The following PSAP variants were observed in gnomAD, a reference collection of about 807,000 sequenced individuals.
The protein encoded by PSAP is prosaposin, also known as precursor of saposins.
A neutral mutation model predicts 66.0 loss-of-function variants in PSAP; 25 were observed. The observed-to-expected ratio is 0.38, with a 90% CI of 0.28 to 0.53. The LOEUF is 0.53. PSAP is among the 20% of genes least tolerant of loss of function. PSAP has a pLI of 0.83. For missense variants in PSAP, 649 were observed against 668.8 expected, an observed-to-expected ratio of 0.97 and a Z score of 0.33; for synonymous variants, 273 against 258.9, an observed-to-expected ratio of 1.05 and a Z score of -0.52.
chr10:71,844,492 C>G (rs1842784172), intron 1 of PSAP, among the ~76,000 whole-genome samples: 2 of 152,152 alleles, frequency 1.3e-5, no homozygotes, highest in South Asian at 4.1e-4. Flanking sequence ...ATGGTGAAAC[C>G]CTGTGTGTAC....
Position 71,831,210 on chromosome 10 carries a change from A to C in PSAP, c.291T>G (p.Leu97=). The part of the protein sequence containing the change: ...LVYLEKTCDW[L]PKPNMSASCK... ...ATGAAGCAGACATGTTCGGTTTCGG[A>C]AGCCAGTCACAGGTCTTCTCCAAGT... Residue 97 remains leucine, a synonymous_variant, in exon 4 of 14, where the codon CTT becomes CTG. Coordinates refer to ENST00000394936, the MANE Select transcript of PSAP (RefSeq NM_002778.4). The C allele has an allele frequency of 6.2e-7, 1 of 1,614,080 alleles. No homozygotes were observed. Among genetic ancestry groups the C allele is most frequent in the Non-Finnish European group, 8.5e-7 (1 of 1,179,984 alleles).
Position 71,851,162 on chromosome 10 carries a change from A to C in PSAP, c.40+20T>G. On this transcript the variant is annotated intron_variant, in intron 1 of 13. Coordinates refer to ENST00000394936, the MANE Select transcript of PSAP (RefSeq NM_002778.4). Reference sequence around the variant, plus strand: ...CGCTGCGAGGCACCTCCTCCCCAGGATGAGGGTCCCAGGGCTTACCCGCGC... The same window carrying C: ...CGCTGCGAGGCACCTCCTCCCCAGGCTGAGGGTCCCAGGGCTTACCCGCGC... 1 of 1,550,802 alleles carries C rather than the reference A, an allele frequency of 6.4e-7. No homozygotes were observed. The highest frequency in any genetic ancestry group is 8.7e-7 in the Non-Finnish European group (1 of 1,146,770).
intron 1 of PSAP, among the ~76,000 whole-genome samples, chr10:71,848,907 C>A (rs1359816558): frequency 2.0e-5 from 3 of 152,178 alleles, no homozygotes; most frequent in Non-Finnish European, 4.4e-5. Flanking sequence ...CAATACCTCC[C>A]ATTTACCCGA....
chr10:71,844,993 T>G (rs1205721377), intron 1 of PSAP, among the ~76,000 whole-genome samples: 1 of 152,220 alleles, frequency 6.6e-6, no homozygotes, highest in Admixed American at 6.5e-5. Context: ...TCACATAATT[T>G]TTATTATATA....
At chr10:71,817,536 T>C in intron 13 of PSAP, 60 bp from the exon 14 acceptor site, 1 of 1,538,780 alleles carries the variant, frequency 6.5e-7, no homozygotes, top group Non-Finnish European at 9.0e-7. Context: ...TCCCGGCCCA[T>C]CAATGTATCA....
chr10:71,835,909 AG>A (rs1406953811), intron 1 of PSAP, among the ~76,000 whole-genome samples: 1 of 151,982 alleles, frequency 6.6e-6, no homozygotes, highest in Non-Finnish European at 1.5e-5. Context: ...TCCCTCTGTA[AG>A]CCAATTCTAC....
chr10:71,835,728 A>C (rs1842609514), intron 1 of PSAP, among the ~76,000 whole-genome samples: 1 of 150,230 alleles, frequency 6.7e-6, no homozygotes, highest in Non-Finnish European at 1.5e-5. Flanking sequence ...CTACACATAG[A>C]GGATGGTGGC....
In PSAP at chr10:71,817,312, G is replaced by A; in HGVS notation, c.*129C>T. ...CAGCAATGCTACAATAAAGGACACA[G>A]AAATGGGGGAGGTGGGGGAGCCCTA... On this transcript the variant is annotated 3_prime_UTR_variant, in exon 14 of 14. Coordinates refer to ENST00000394936, the MANE Select transcript of PSAP (RefSeq NM_002778.4). 1 of 1,019,098 alleles carries A rather than the reference G, an allele frequency of 9.8e-7. No homozygotes were observed. Among genetic ancestry groups the A allele is most frequent in the Non-Finnish European group, 1.6e-6 (1 of 642,962 alleles). The allele number at this position is 1,019,098 out of a possible 1,614,324, so 63.1% of individuals were successfully genotyped here. A position where few individuals can be genotyped will look rare whatever the true frequency, so the allele number is the denominator to read the frequency against.
At chr10:71,817,564 G>A in intron 13 of PSAP, 88 bp from the exon 14 acceptor site, 2 of 1,295,294 alleles carry the variant, frequency 1.5e-6, no homozygotes, top group Non-Finnish European at 2.2e-6. Flanking sequence ...CCCCAAAACA[G>A]GACCTGTTCT....
intron 1 of PSAP, 147 bp from the exon 2 acceptor site, chr10:71,834,652 C>G (rs1842587638): frequency 7.9e-6 from 8 of 1,014,344 alleles, no homozygotes; most frequent in South Asian, 1.4e-5. Flanking sequence ...ACCAGCCACA[C>G]AGATACACGC....
At chr10:71,821,753 AG>A in intron 8 of PSAP, 122 bp downstream of exon 8, 1 of 1,347,626 alleles carries the variant, frequency 7.4e-7, no homozygotes, top group Non-Finnish European at 1.0e-6. Context: ...ACAAACTCAA[AG>A]ACCTTTAGGA....
chr10:71,841,034 A>G (rs1242295472), intron 1 of PSAP, among the ~76,000 whole-genome samples: 1 of 152,250 alleles, frequency 6.6e-6, no homozygotes, highest in Non-Finnish European at 1.5e-5. Context: ...ATCACCTTAG[A>G]TAAGATTACA....
chr10:71,828,253 G>C, intron 5 of PSAP, 96 bp from the exon 6 acceptor site: 6 of 1,320,772 alleles, frequency 4.5e-6, no homozygotes, highest in Non-Finnish European at 5.5e-6. Flanking sequence ...GGGGGCACTT[G>C]CTGACCAGTT....
intron 4 of PSAP, among the ~76,000 whole-genome samples, chr10:71,830,702 G>T (rs548370462): frequency 2.6e-5 from 4 of 152,332 alleles, no homozygotes; most frequent in South Asian, 2.1e-4. Flanking sequence ...CACAGGGTTT[G>T]TGTCTGTGTA....
rs1727157282 is a variant in PSAP at position 71,817,024 on chromosome 10, G to A, written c.*417C>T. On this transcript the variant is annotated 3_prime_UTR_variant, in exon 14 of 14. Transcript: ENST00000394936. ...GCCCAGGAAAGCGGGGAGGGTCCCT[G>A]ATCAGGGCAGGAGGCCACCTCAGAA... is the stretch of plus-strand genomic sequence containing the variant. The A allele has an allele frequency of 3.6e-6, 1 of 278,510 alleles. No homozygotes were observed. 17.3% of individuals were successfully genotyped at this position (278,510 alleles called of 1,614,324 possible).
intron 8 of PSAP, among the ~76,000 whole-genome samples, chr10:71,820,640 T>G (rs562191708): frequency 6.6e-6 from 1 of 151,632 alleles, no homozygotes. Flanking sequence ...CCTGATGATG[T>G]GTTCGGTTAC....
chr10:71,851,101 G>A, intron 1 of PSAP, 81 bp downstream of exon 1: 1 of 1,491,534 alleles, frequency 6.7e-7, no homozygotes, highest in Non-Finnish European at 9.1e-7. Context: ...GAGCAGAGGG[G>A]CCAGGCCCGG....
Position 71,818,402 on chromosome 10 carries a change from A to T in PSAP, c.1539+215T>A, listed in dbSNP as rs10762482. Among the ~76,000 whole-genome samples, 29,036 of 152,198 alleles carry T rather than the reference A, an allele frequency of 0.19. 2,789 individuals carry two copies. The highest frequency in any genetic ancestry group is 0.25 in the East Asian group (1,286 of 5,178). On this transcript the variant is annotated intron_variant, in intron 13 of 13. Transcript: ENST00000394936. ...AAAAAATACTAAAAAAAATAAATAA[A>T]TAAAATCCACCCCACCCTTCACTAC... is the stretch of plus-strand genomic sequence containing the variant.
intron 5 of PSAP, among the ~76,000 whole-genome samples, chr10:71,828,572 G>A (rs1842441431): frequency 6.6e-6 from 1 of 152,192 alleles, no homozygotes; most frequent in Admixed American, 6.5e-5. Flanking sequence ...TTAAGCCTCA[G>A]AGGTTGAGGC....
Sources: allele counts gnomAD v4.1 joint callset (sites outside exome capture counted in the v4.1 genomes callset), GRCh38; gene constraint gnomAD v4.1.1; transcripts MANE v1.5; gene names NCBI Gene and HGNC (gene_info 2026-07-23, HGNC 2026-07-21).